CBFA2T3: variants seen among roughly 807,000 people sequenced by gnomAD.
CBFA2T3 encodes CBFA2/RUNX1 partner transcriptional co-repressor 3, also known as transcriptional corepressor CBFA2T3.
In CBFA2T3, 31 loss-of-function variants were observed where a neutral mutation model predicts 58.6. The observed-to-expected ratio is 0.53, with a 90% CI of 0.40 to 0.71. The LOEUF is 0.71. CBFA2T3 is among the 30% of genes least tolerant of loss of function. The pLI is 0.00. For synonymous variants in CBFA2T3, 531 were observed against 421.9 expected, an observed-to-expected ratio of 1.26 and a Z score of -3.17; for missense variants, 1,076 against 963.1, an observed-to-expected ratio of 1.12 and a Z score of -1.55.
Position 88,879,377 on chromosome 16 carries a change from G to A in CBFA2T3, c.1555C>T (p.Leu519Phe), listed in dbSNP as rs1393644162. The A allele has an allele frequency of 6.2e-7, 1 of 1,613,176 alleles. No homozygotes were observed. The highest frequency in any genetic ancestry group is 1.1e-5 in the South Asian group (1 of 91,080). Reference protein sequence around the residue: ...VSDAERKAHELITTERAKMER... With the variant: ...VSDAERKAHEFITTERAKMER... ...ATCTTGGCACGCTCCGTGGTGATGA[G>A]CTCGTGCGCTTTGCGCTCCGCGTCC... Residue 519 changes from leucine (L) to phenylalanine (F), a missense_variant, in exon 11 of 12, where the codon CTC (leucine) becomes TTC (phenylalanine). Leu to Phe is a conservative substitution (Grantham distance 22). Transcript: ENST00000268679.
chr16:88,948,281 CA>C (rs762480711), intron 1 of CBFA2T3, among the ~76,000 whole-genome samples: 3 of 152,240 alleles, frequency 2.0e-5, no homozygotes, highest in Non-Finnish European at 4.4e-5. Flanking sequence ...AAGAAATCAG[CA>C]GGTTGCAGCA....
chr16:88,924,495 C>T (rs11865111), intron 1 of CBFA2T3, among the ~76,000 whole-genome samples: 6,135 of 152,176 alleles, frequency 0.04, 166 homozygotes, highest in African/African-American at 0.08. Flanking sequence ...TGGGCAGACA[C>T]AGGCCAGGGG....
chr16:88,898,570 G>A (rs78455371), intron 2 of CBFA2T3, among the ~76,000 whole-genome samples: 1 of 152,234 alleles, frequency 6.6e-6, no homozygotes, highest in Non-Finnish European at 1.5e-5. Context: ...GGGGCCCCTT[G>A]TTTTCATCGT....
At chr16:88,928,523 C>T (rs1195103832) in intron 1 of CBFA2T3, among the ~76,000 whole-genome samples, 1 of 152,160 alleles carries the variant, frequency 6.6e-6, no homozygotes, top group East Asian at 1.9e-4. Flanking sequence ...GCAGGCAGCC[C>T]AGCCGCTGTG....
intron 1 of CBFA2T3, among the ~76,000 whole-genome samples, chr16:88,931,987 T>C (rs975126072): frequency 2.0e-5 from 3 of 152,194 alleles, no homozygotes; most frequent in Middle Eastern, 6.8e-3. Context: ...TAGGTCATGC[T>C]TCCTCCTGGC....
Position 88,885,543 on chromosome 16 carries a change from G to A in CBFA2T3, c.894-274C>T, listed in dbSNP as rs1969329472. 6.6e-6 allele frequency among the ~76,000 whole-genome samples: 1 copy of A among 152,140 alleles called. No individual in the cohort carries two copies. ...TCAAAGAGCCGGACTCGCTGCTCTG[G>A]GAACGAGGAGAGGGATACACCAGGC... On this transcript the variant is annotated intron_variant, in intron 6 of 11. Coordinates refer to ENST00000268679, the MANE Select transcript of CBFA2T3 (RefSeq NM_005187.6). The surrounding 1 kb of genome is among the most constrained non-coding windows in gnomAD (Gnocchi z 5.3).
chr16:88,966,272 A>C (rs965533319), intron 1 of CBFA2T3, among the ~76,000 whole-genome samples: 14 of 152,254 alleles, frequency 9.2e-5, no homozygotes, highest in African/African-American at 3.4e-4. Context: ...GACAGACTCC[A>C]GAGCAGCCAG....
intron 1 of CBFA2T3, among the ~76,000 whole-genome samples, chr16:88,969,678 G>A (rs1047157958): frequency 6.6e-5 from 10 of 152,306 alleles, no homozygotes; most frequent in African/African-American, 4.8e-5. Context: ...CCTCAGCACC[G>A]CCCGTGGGGC....
At chr16:88,932,235 C>A (rs1162902787) in intron 1 of CBFA2T3, among the ~76,000 whole-genome samples, 2 of 124,150 alleles carry the variant, frequency 1.6e-5, no homozygotes, top group African/African-American at 6.4e-5. Context: ...CCTCACATGG[C>A]CCCCGCTTCC....
At chr16:88,932,738 A>G (rs1971354282) in intron 1 of CBFA2T3, among the ~76,000 whole-genome samples, 1 of 139,260 alleles carries the variant, frequency 7.2e-6, no homozygotes, top group Admixed American at 7.9e-5. Context: ...ACCTGAGGTC[A>G]GGAGTTCGAG....
rs58307404 is a variant in CBFA2T3 at position 88,876,240 on chromosome 16, T to A, written c.*736A>T. ...CACAAGTATGCTTCCTTTGCTTTTT[T>A]AAAAAAACTTTTTGGATTTTTACTT... On this transcript the variant is annotated 3_prime_UTR_variant, in exon 12 of 12. Transcript: ENST00000268679. 94 of 229,874 alleles carry A rather than the reference T, an allele frequency of 4.1e-4. No homozygotes were observed. The highest frequency in any genetic ancestry group is 1.9e-3 in the African/African-American group (86 of 45,232). The allele number at this position is 229,874 out of a possible 1,614,324, so 14.2% of individuals were successfully genotyped here. A position where few individuals can be genotyped will look rare whatever the true frequency, so the allele number is the denominator to read the frequency against.
chr16:88,971,865 C>T (rs903401244), intron 1 of CBFA2T3, among the ~76,000 whole-genome samples: 3 of 152,350 alleles, frequency 2.0e-5, no homozygotes, highest in South Asian at 2.1e-4. Flanking sequence ...CGGTCAACTG[C>T]AGTCACGGAA....
At chr16:88,907,751 C>T (rs1424323301) in intron 1 of CBFA2T3, among the ~76,000 whole-genome samples, 2 of 152,228 alleles carry the variant, frequency 1.3e-5, no homozygotes, top group African/African-American at 2.4e-5. Context: ...CTCACTCCCC[C>T]TGCCCATGAC....
rs191963905 is a variant in CBFA2T3, at chr16:88,968,835, G to A, written c.151+7822C>T. Among the ~76,000 whole-genome samples, 9 of 152,338 alleles carry A rather than the reference G, an allele frequency of 5.9e-5. No individual in the cohort carries two copies. In the East Asian group the frequency reaches 1.7e-3, roughly 29 times the overall value. ...GAGGGGTGTGCGGTCAGCGGGTGGG[G>A]GCTGATTGGGTGACTTGCAGTGACA... On this transcript the variant is annotated intron_variant, in intron 1 of 11. Transcript: ENST00000268679.
At chr16:88,877,987 C>T (rs188665734) in intron 11 of CBFA2T3, among the ~76,000 whole-genome samples, 2,232 of 152,350 alleles carry the variant, frequency 0.015, 56 homozygotes, top group African/African-American at 0.048. Flanking sequence ...CCTCCCACCC[C>T]ACCTCGCCCT....
chr16:88,882,610 C>CTG, intron 8 of CBFA2T3, 66 bp downstream of exon 8: 10 of 965,886 alleles, frequency 1.0e-5, no homozygotes, highest in Non-Finnish European at 1.3e-5. Flanking sequence ...GTGTGCGTGG[C>CTG]TGTGTGTGTG....
rs1969313823 is a variant in CBFA2T3, at chr16:88,885,218, G to A, written c.945C>T (p.Ser315=). The A allele has an allele frequency of 1.9e-6, 3 of 1,593,386 alleles. No individual in the cohort carries two copies. Among genetic ancestry groups the A allele is most frequent in the Non-Finnish European group, 2.6e-6 (3 of 1,166,758 alleles). ...DRDPLHPEHL[S]KRPCTLNPAQ... ...CAGGGTTCAGGGTGCATGGCCGTTT[G>A]CTGAGGTGCTCGGGGTGCAGCGGGT... The change falls in exon 7 of 12, where the codon AGC becomes AGT. Residue 315 remains serine, a synonymous_variant. Transcript: ENST00000268679. This position sits in a 1 kb window ranked among gnomAD's most constrained non-coding sequence, Gnocchi z 5.3.
chr16:88,918,820 G>A (rs565372223), intron 1 of CBFA2T3, among the ~76,000 whole-genome samples: 1 of 152,342 alleles, frequency 6.6e-6, no homozygotes, highest in Non-Finnish European at 1.5e-5. Flanking sequence ...CGGCCTCCAG[G>A]GTTGGTGCTG....
At position 88,976,674 on chromosome 16, in the gene CBFA2T3, G is replaced by A. The variant is rs1972869869; in HGVS notation, c.134C>T (p.Pro45Leu). ...CCTCTTACCTGGGCCGCCCTTCCTGGGACCCCGGGGTGCGGAGCAGCCGGC... is the reference window on the plus strand; with the variant it reads ...CCTCTTACCTGGGCCGCCCTTCCTGAGACCCCGGGGTGCGGAGCAGCCGGC... ...ASAGCSAPRG[P>L]RKGGPAPVDR... The change falls in exon 1 of 12, where the codon CCC becomes CTC. Residue 45 changes from proline (P) to leucine (L), a missense_variant. Pro to Leu is a moderately conservative substitution (Grantham distance 98). Transcript: ENST00000268679. 1.9e-6 allele frequency: 3 copies of A among 1,563,234 alleles called. No homozygotes were observed. The highest frequency in any genetic ancestry group is 2.6e-6 in the Non-Finnish European group (3 of 1,153,894).
Sources: gnomAD v4.1 joint callset for allele counts (sites outside exome capture counted in the v4.1 genomes callset) on GRCh38, gnomAD v4.1.1 for gene constraint, Gnocchi (gnomAD v3.1) non-coding constraint, MANE v1.5 for transcripts, NCBI Gene and HGNC (gene_info 2026-07-23, HGNC 2026-07-21) for gene names.